Variants in SLA observed in about 807,000 individuals in gnomAD.
SLA encodes Src like adaptor, also known as src-like-adapter.
SLA carries 16 observed loss-of-function variants against 30.3 expected under a neutral mutation model. The observed-to-expected ratio is 0.53, with a 90% CI of 0.36 to 0.80. SLA has a LOEUF of 0.80. Ranked by LOEUF, SLA falls within the 30% of genes least tolerant of loss-of-function variation. The probability of loss-of-function intolerance (pLI) is 0.01; values close to 1 mark genes in which losing one functional copy is unlikely to be tolerated. For missense variants in SLA, 310 were observed against 345.2 expected, an observed-to-expected ratio of 0.90 and a Z score of 0.81; for synonymous variants, 143 against 137.8, an observed-to-expected ratio of 1.04 and a Z score of -0.26.
In SLA at chr8:133,102,567, G is replaced by T; in HGVS notation, c.-333C>A. On this transcript the variant is annotated 5_prime_UTR_variant, in exon 1 of 9. Coordinates refer to ENST00000338087, the MANE Select transcript of SLA (RefSeq NM_001045556.3). Reference sequence around the variant, plus strand: ...TAGCAACCTACCGGTGGAGCATCAGGGCTGCCTGAGATGTTCTCCATTCGC... The same window carrying T: ...TAGCAACCTACCGGTGGAGCATCAGTGCTGCCTGAGATGTTCTCCATTCGC... 6.4e-7 allele frequency: 1 copy of T among 1,551,524 alleles called. No homozygotes were observed.
intron 4 of SLA, 192 bp from the exon 5 acceptor site, chr8:133,050,180 G>T (rs1299878387): frequency 1.7e-6 from 1 of 584,422 alleles, no homozygotes; most frequent in East Asian, 2.8e-5. Context: ...CCAGTGGATA[G>T]CCCTCCATTG....
At chr8:133,079,842 G>T (rs1352732661) in intron 1 of SLA, among the ~76,000 whole-genome samples, 2 of 152,008 alleles carry the variant, frequency 1.3e-5, no homozygotes, top group Non-Finnish European at 2.9e-5. Context: ...ATGACACTTG[G>T]TGCTATAAAA....
intron 6 of SLA, chr8:133,046,354 T>C (rs1043951109): frequency 1.3e-5 from 2 of 152,264 alleles, no homozygotes; most frequent in African/African-American, 2.4e-5. Context: ...AGAGCCCCTA[T>C]GGGATATGGC....
chr8:133,048,315 G>A (rs1441922434), intron 5 of SLA, among the ~76,000 whole-genome samples: 1 of 152,082 alleles, frequency 6.6e-6, no homozygotes, highest in Non-Finnish European at 1.5e-5. Context: ...CCACCTTCCA[G>A]GTTCAAGTGA....
chr8:133,059,097 C>T (rs1298281659), intron 3 of SLA: 2 of 456,290 alleles, frequency 4.4e-6, no homozygotes, highest in Admixed American at 2.3e-5. Flanking sequence ...CAGTCCACTT[C>T]CCTGTCAGGC....
chr8:133,060,490 A>G (rs1350987854), intron 2 of SLA: 1 of 859,154 alleles, frequency 1.2e-6, no homozygotes. Flanking sequence ...GTAAGCAGCC[A>G]CAGCAGGGTT....
intron 1 of SLA, among the ~76,000 whole-genome samples, chr8:133,084,683 G>A (rs1846253664): frequency 6.6e-6 from 1 of 152,246 alleles, no homozygotes; most frequent in African/African-American, 2.4e-5. Flanking sequence ...GAACTAAAGA[G>A]ACAAAGCCAA....
At chr8:133,052,221 G>A (rs1192753909) in intron 3 of SLA, among the ~76,000 whole-genome samples, 1 of 152,222 alleles carries the variant, frequency 6.6e-6, no homozygotes, top group East Asian at 1.9e-4. Flanking sequence ...ACTAGAATCA[G>A]TGAGAAAGAT....
intron 1 of SLA, among the ~76,000 whole-genome samples, chr8:133,083,693 A>G (rs1846077186): frequency 6.6e-6 from 1 of 152,134 alleles, no homozygotes; most frequent in South Asian, 2.1e-4. Flanking sequence ...TTTTTTCTGC[A>G]TCTCTTTAAA....
At chr8:133,057,217 C>T (rs908124525) in intron 3 of SLA, among the ~76,000 whole-genome samples, 2 of 151,854 alleles carry the variant, frequency 1.3e-5, no homozygotes, top group Non-Finnish European at 2.9e-5. Context: ...AGAGAAGGAA[C>T]AAAGAGGGGA....
chr8:133,040,309 TGAGA>T, intron 7 of SLA, 179 bp from the exon 8 acceptor site: 1 of 655,662 alleles, frequency 1.5e-6, no homozygotes, highest in Non-Finnish European at 2.6e-6. Flanking sequence ...CCCAGCTGTT[TGAGA>T]AATGTAAGCG....
At position 133,038,116 on chromosome 8, in the gene SLA, C is replaced by T. The variant is rs1168370252; in HGVS notation, c.*408G>A. 5.5e-6 allele frequency: 1 copy of T among 182,764 alleles called. No homozygotes were observed. The highest frequency in any genetic ancestry group is 1.1e-5 in the Non-Finnish European group (1 of 87,098). The allele number at this position is 182,764 out of a possible 1,614,324, so 11.3% of individuals were successfully genotyped here. A position where few individuals can be genotyped will look rare whatever the true frequency, so the allele number is the denominator to read the frequency against. On this transcript the variant is annotated 3_prime_UTR_variant, in exon 9 of 9. Coordinates refer to ENST00000338087, the MANE Select transcript of SLA (RefSeq NM_001045556.3). ...GACACAGCTTTTGTTTCCTCTCCCT[C>T]TCAGGCTTGCCCATACAGAAGTTCT...
Position 133,038,452 on chromosome 8 carries a change from T to A in SLA, c.*72A>T. The A allele has an allele frequency of 2.3e-6, 3 of 1,280,330 alleles. No individual in the cohort carries two copies. The highest frequency in any genetic ancestry group is 3.4e-6 in the Non-Finnish European group (3 of 880,732). 79.3% of individuals were successfully genotyped at this position (1,280,330 alleles called of 1,614,324 possible). ...GCTCCCAGGGATCAGGGAACCTCGC[T>A]TTTCGCAAGATCCCAGGCAATAGTT... On this transcript the variant is annotated 3_prime_UTR_variant, in exon 9 of 9. Transcript: ENST00000338087.
intron 3 of SLA, among the ~76,000 whole-genome samples, chr8:133,053,563 A>G (rs1840821092): frequency 6.6e-6 from 1 of 152,116 alleles, no homozygotes; most frequent in Non-Finnish European, 1.5e-5. Context: ...TGAAATGGGG[A>G]GGCACAGTGT....
At chr8:133,096,411 C>T (rs1215472904) in intron 1 of SLA, 1 of 1,612,774 alleles carries the variant, frequency 6.2e-7, no homozygotes, top group Non-Finnish European at 8.5e-7. Context: ...TCCAGCTGGG[C>T]ATTTCCTAAG....
At chr8:133,091,857 G>A (rs1188696665) in intron 1 of SLA, among the ~76,000 whole-genome samples, 1 of 152,084 alleles carries the variant, frequency 6.6e-6, no homozygotes, top group Non-Finnish European at 1.5e-5. Context: ...GTGTCTGTGT[G>A]TGTAAGTGTG....
At chr8:133,079,918 G>C (rs1017131435) in intron 1 of SLA, among the ~76,000 whole-genome samples, 2 of 151,664 alleles carry the variant, frequency 1.3e-5, no homozygotes, top group Non-Finnish European at 2.9e-5. Context: ...AGAAGTTCTC[G>C]AGAGTAAAGT....
At chr8:133,059,043 G>A (rs767693100) in intron 3 of SLA, 2 of 457,088 alleles carry the variant, frequency 4.4e-6, no homozygotes, top group South Asian at 3.1e-5. Context: ...AGCCACAGAA[G>A]TCATGAAATG....
intron 1 of SLA, chr8:133,095,314 G>C: frequency 6.7e-7 from 1 of 1,492,116 alleles, no homozygotes; most frequent in East Asian, 2.3e-5. Flanking sequence ...TACCACACAT[G>C]AGGCTGATGA....
Sources: gnomAD v4.1 joint callset for allele counts (sites outside exome capture counted in the v4.1 genomes callset) on GRCh38, gnomAD v4.1.1 for gene constraint, MANE v1.5 for transcripts, NCBI Gene and HGNC (gene_info 2026-07-23, HGNC 2026-07-21) for gene names.